The following PTPRN2 variants were observed in gnomAD, a reference collection of about 807,000 sequenced individuals.
PTPRN2 encodes receptor-type tyrosine-protein phosphatase N2.
Under a neutral mutation model 118.8 loss-of-function variants are expected in PTPRN2, and 74 were observed. That is an observed-to-expected ratio of 0.62 (90% CI 0.52 to 0.76). The LOEUF is 0.76. Among genes scored for constraint, PTPRN2 ranks in the 30% least tolerant of loss-of-function variants. PTPRN2 has a pLI of 0.00. For missense variants in PTPRN2, 1,481 were observed against 1,394.4 expected (o/e 1.06, Z -0.99); for synonymous variants, 641 against 608.0 (o/e 1.05, Z -0.80).
At chr7:158,171,542 G>T (rs1002400371) in intron 5 of PTPRN2, among the ~76,000 whole-genome samples, 2 of 151,520 alleles carry the variant, frequency 1.3e-5, no homozygotes, top group African/African-American at 2.4e-5. Flanking sequence ...GTAGAGATGG[G>T]GTTTCACCAT....
intron 3 of PTPRN2, among the ~76,000 whole-genome samples, chr7:158,277,144 C>G (rs71545579): frequency 3.2e-4 from 49 of 152,334 alleles, no homozygotes; most frequent in African/African-American, 1.1e-3. Flanking sequence ...CACGCACACA[C>G]GCGCACATAC....
At chr7:158,242,875 T>C (rs1474553903) in intron 3 of PTPRN2, among the ~76,000 whole-genome samples, 1 of 152,228 alleles carries the variant, frequency 6.6e-6, no homozygotes, top group Non-Finnish European at 1.5e-5. Context: ...TAACGCCTCT[T>C]CTTTCATTTC....
In PTPRN2 at chr7:158,539,087, G is replaced by A. The variant is rs117635515; in HGVS notation, c.112+48471C>T. Among the ~76,000 whole-genome samples the A allele has an allele frequency of 1.7e-3, 261 of 152,230 alleles. 8 individuals carry two copies. The East Asian group carries it at 0.031, about 18-fold the overall frequency. ...GTTTCAGGGAAAAGCCATGCCCCCCGTGTCAGCCAGCACAGCCTGCAACGA... is the reference window on the plus strand; with the variant it reads ...GTTTCAGGGAAAAGCCATGCCCCCCATGTCAGCCAGCACAGCCTGCAACGA... On this transcript the variant is annotated intron_variant, in intron 1 of 22. Coordinates refer to ENST00000389418, the MANE Select transcript of PTPRN2 (RefSeq NM_002847.5).
rs919930602 is a variant in PTPRN2, at chr7:157,861,696, A to AG, written c.1788+36976dup. Among the ~76,000 whole-genome samples the AG allele has an allele frequency of 2.0e-5, 3 of 152,192 alleles. No individual in the cohort carries two copies. The highest frequency in any genetic ancestry group is 7.2e-5 in the African/African-American group (3 of 41,450). On this transcript the variant is annotated intron_variant, in intron 12 of 22. Transcript: ENST00000389418. This position sits in a 1 kb window ranked among gnomAD's most constrained non-coding sequence, Gnocchi z 5.8. ...CTTGGAGGTGTCTGCAGGGCCTTGA[A>AG]GGGGACACCGACCCTTCCTGACTCC...
intron 13 of PTPRN2, among the ~76,000 whole-genome samples, chr7:157,680,984 G>C (rs2150805158): frequency 6.6e-6 from 1 of 152,124 alleles, no homozygotes. Flanking sequence ...CAATTTTCCT[G>C]CTGGAAGGGC....
At chr7:158,324,946 TAGGAGAAATGGCCCAGAGACG>T (rs1803365476) in intron 2 of PTPRN2, among the ~76,000 whole-genome samples, 1 of 152,310 alleles carries the variant, frequency 6.6e-6, no homozygotes, top group Admixed American at 6.5e-5. Flanking sequence ...GAGGATATCC[TAGGAGAAATGGCCCAGAGACG>T]CTAACTGTGC....
chr7:158,277,069 T>C (rs1280274759), intron 3 of PTPRN2, among the ~76,000 whole-genome samples: 1 of 152,156 alleles, frequency 6.6e-6, no homozygotes, highest in Non-Finnish European at 1.5e-5. Flanking sequence ...CAGAGCTCCA[T>C]GAACAGCCCC....
rs540952727 is a variant in PTPRN2 at position 158,418,085 on chromosome 7, C to T, written c.163+71650G>A. 2.0e-5 allele frequency among the ~76,000 whole-genome samples: 3 copies of T among 150,638 alleles called. 1 individual carries two copies. The highest frequency in any genetic ancestry group is 2.0e-4 in the Admixed American group (3 of 15,164). The stretch of plus-strand genomic sequence containing the variant: ...ATCGAGATGCTCTAGCTTTCAGTGT[C>T]CCACTGTGTTAAGTCACGGTGTACT... On this transcript the variant is annotated intron_variant, in intron 2 of 22. Transcript: ENST00000389418.
intron 11 of PTPRN2, among the ~76,000 whole-genome samples, chr7:158,002,004 G>A (rs746212693): frequency 1.3e-5 from 2 of 152,190 alleles, no homozygotes; most frequent in African/African-American, 2.4e-5. Context: ...GACGATGGCC[G>A]CCAGCTTCAG....
At chr7:158,173,111 A>C (rs759905630) in intron 5 of PTPRN2, among the ~76,000 whole-genome samples, 33 of 135,808 alleles carry the variant, frequency 2.4e-4, no homozygotes, top group Non-Finnish European at 4.2e-4. Flanking sequence ...ATCACCACCA[A>C]CACCACCAGC....
At position 157,937,113 on chromosome 7, in the gene PTPRN2, C is replaced by A. The variant is rs554964995; in HGVS notation, c.1724-38376G>T. ...ACCTTCTCTGGGAAGCCCTCCGGAC[C>A]CCTGAACACCGTGGGTCTGACAATA... On this transcript the variant is annotated intron_variant, in intron 11 of 22. Coordinates refer to ENST00000389418, the MANE Select transcript of PTPRN2 (RefSeq NM_002847.5). 2.4e-4 allele frequency among the ~76,000 whole-genome samples: 36 copies of A among 152,298 alleles called. 1 individual carries two copies. The South Asian group carries it at 6.9e-3, about 29-fold the overall frequency.
chr7:158,149,595 G>C (rs896011113), intron 6 of PTPRN2, among the ~76,000 whole-genome samples: 5 of 152,140 alleles, frequency 3.3e-5, no homozygotes, highest in Admixed American at 6.5e-5. Context: ...CTGAGGTCAG[G>C]AGTTCGAGAC....
chr7:158,314,690 C>T (rs1370521044), intron 3 of PTPRN2, among the ~76,000 whole-genome samples: 3 of 145,182 alleles, frequency 2.1e-5, no homozygotes, highest in Admixed American at 6.9e-5. Context: ...TCTCTCAACC[C>T]GCAGTTTGGC....
intron 12 of PTPRN2, among the ~76,000 whole-genome samples, chr7:157,809,695 C>G (rs1426723116): frequency 6.6e-6 from 1 of 152,162 alleles, no homozygotes; most frequent in African/African-American, 2.4e-5. Context: ...CCGGCATTGC[C>G]AGGAGCCACA....
intron 2 of PTPRN2, among the ~76,000 whole-genome samples, chr7:158,356,635 G>T (rs1461227877): frequency 6.6e-6 from 1 of 152,106 alleles, no homozygotes; most frequent in Non-Finnish European, 1.5e-5. Flanking sequence ...TGCTGAGCAG[G>T]CACCACCATC....
At chr7:157,723,930 T>C (rs1262981498) in intron 12 of PTPRN2, among the ~76,000 whole-genome samples, 1 of 152,212 alleles carries the variant, frequency 6.6e-6, no homozygotes, top group African/African-American at 2.4e-5. Flanking sequence ...CCAAATTTGA[T>C]TTAATTTATG....
At chr7:158,033,653 T>C (rs13307400) in intron 11 of PTPRN2, among the ~76,000 whole-genome samples, 62,718 of 152,050 alleles carry the variant, frequency 0.41, 14,692 homozygotes, top group African/African-American at 0.65. Context: ...AATGAAACCT[T>C]GATAGAAGCT....
At chr7:158,412,698 A>G (rs1291704635) in intron 2 of PTPRN2, among the ~76,000 whole-genome samples, 8 of 82,438 alleles carry the variant, frequency 9.7e-5, no homozygotes, top group Admixed American at 1.4e-4. Context: ...CCCATCCAGC[A>G]CCCTCCTCAG....
chr7:157,767,904 T>C lies in PTPRN2; in HGVS notation c.1789-84967A>G, dbSNP rs934864852. ...TTAAACTCAAAAGGCAGGTAGGACT[T>C]AGGAGGCAAGAAAGCCCGCTTGAGG... On this transcript the variant is annotated intron_variant, in intron 12 of 22. Transcript: ENST00000389418. Among the ~76,000 whole-genome samples the C allele has an allele frequency of 2.0e-5, 3 of 152,236 alleles. No individual in the cohort carries two copies. The East Asian group carries it at 5.8e-4, about 29-fold the overall frequency.
Sources: allele counts gnomAD v4.1 joint callset (sites outside exome capture counted in the v4.1 genomes callset), GRCh38; gene constraint gnomAD v4.1.1; non-coding constraint Gnocchi (gnomAD v3.1); transcripts MANE v1.5; gene names NCBI Gene and HGNC (gene_info 2026-07-23, HGNC 2026-07-21).